The following ROBO2 variants were observed in gnomAD, a reference collection of about 807,000 sequenced individuals.
The protein encoded by ROBO2 is roundabout homolog 2.
A neutral mutation model predicts 160.8 loss-of-function variants in ROBO2; 53 were observed. The ratio of observed to expected loss-of-function variants is 0.33; its 90% CI spans 0.26 to 0.41. The LOEUF is 0.41. Among genes scored for constraint, ROBO2 ranks in the 10% least tolerant of loss-of-function variants. The pLI, the probability that ROBO2 is intolerant of heterozygous loss-of-function variation, is 1.00. For missense variants in ROBO2, 1,577 were observed against 1,722.4 expected (o/e 0.92, Z 1.49); for synonymous variants, 664 against 611.7 (o/e 1.09, Z -1.26).
intron 2 of ROBO2, among the ~76,000 whole-genome samples, chr3:77,429,455 A>G (rs1303275106): frequency 1.3e-5 from 2 of 152,026 alleles, no homozygotes; most frequent in African/African-American, 2.4e-5. Context: ...TTCTTCCTTT[A>G]TGCAATCAAC....
At chr3:76,197,740 G>A (rs535305542) in intron 2 of ROBO2, among the ~76,000 whole-genome samples, 5 of 152,252 alleles carry the variant, frequency 3.3e-5, no homozygotes, top group East Asian at 1.9e-4. Context: ...TTAACTGGCC[G>A]AAGTCATGTA....
chr3:76,307,489 A>G (rs1486679838), intron 2 of ROBO2, among the ~76,000 whole-genome samples: 2 of 151,540 alleles, frequency 1.3e-5, no homozygotes, highest in African/African-American at 4.9e-5. Flanking sequence ...GAGCACGAGT[A>G]GGTGGTGAGG....
intron 2 of ROBO2, among the ~76,000 whole-genome samples, chr3:76,570,944 C>G (rs111254236): frequency 6.6e-6 from 1 of 151,940 alleles, no homozygotes; most frequent in African/African-American, 2.4e-5. Context: ...TCATGTATGA[C>G]AAAACTGTAT....
chr3:77,417,677 A>G (rs2077369898), intron 2 of ROBO2, among the ~76,000 whole-genome samples: 1 of 152,068 alleles, frequency 6.6e-6, no homozygotes, highest in South Asian at 2.1e-4. Flanking sequence ...CAGTAAACTT[A>G]TTTTTTAACA....
At chr3:76,436,798 G>A (rs1282121570) in intron 2 of ROBO2, among the ~76,000 whole-genome samples, 3 of 152,134 alleles carry the variant, frequency 2.0e-5, no homozygotes, top group African/African-American at 7.2e-5. Flanking sequence ...TTTATATAGT[G>A]TTCATTTAAC....
chr3:76,873,172 A>G (rs1351183423), intron 2 of ROBO2, among the ~76,000 whole-genome samples: 1 of 152,208 alleles, frequency 6.6e-6, no homozygotes, highest in African/African-American at 2.4e-5. Context: ...TAAATGTCAC[A>G]TTACAATGGA....
intron 2 of ROBO2, among the ~76,000 whole-genome samples, chr3:76,882,909 G>A (rs1377907367): frequency 6.6e-6 from 1 of 152,098 alleles, no homozygotes; most frequent in Non-Finnish European, 1.5e-5. Flanking sequence ...CATTTCAAAT[G>A]GTTTTGGATT....
At chr3:77,601,665 GA>G (rs1320095712) in intron 19 of ROBO2, among the ~76,000 whole-genome samples, 5 of 151,974 alleles carry the variant, frequency 3.3e-5, no homozygotes, top group African/African-American at 9.6e-5. Flanking sequence ...TGTTATACAA[GA>G]AAAAAAATGC....
chr3:76,994,307 A>C (rs2060862853), intron 2 of ROBO2, among the ~76,000 whole-genome samples: 1 of 152,170 alleles, frequency 6.6e-6, no homozygotes, highest in Non-Finnish European at 1.5e-5. Context: ...GACTTTGTGT[A>C]CTGGCTTGTG....
chr3:77,045,050 G>C (rs2064504574), intron 1 of ROBO2, among the ~76,000 whole-genome samples: 2 of 152,098 alleles, frequency 1.3e-5, no homozygotes. Context: ...CCCAATGTTG[G>C]GGGAGGGAGG....
chr3:76,684,587 T>G (rs2092643991), intron 2 of ROBO2, among the ~76,000 whole-genome samples: 1 of 152,142 alleles, frequency 6.6e-6, no homozygotes, highest in African/African-American at 2.4e-5. Flanking sequence ...TACATTATAG[T>G]AAGAGTTTAC....
chr3:76,597,826 A>G (rs1021422103), intron 2 of ROBO2, among the ~76,000 whole-genome samples: 1 of 152,140 alleles, frequency 6.6e-6, no homozygotes, highest in Non-Finnish European at 1.5e-5. Context: ...TAGTTTGTTA[A>G]GGATTATGGC....
At chr3:76,156,004 G>A (rs1404773268) in intron 2 of ROBO2, among the ~76,000 whole-genome samples, 1 of 151,962 alleles carries the variant, frequency 6.6e-6, no homozygotes, top group African/African-American at 2.4e-5. Context: ...TTTACTAGGA[G>A]GCTAAATGAT....
intron 2 of ROBO2, among the ~76,000 whole-genome samples, chr3:76,287,295 C>A (rs1283880898): frequency 6.8e-6 from 1 of 147,486 alleles, no homozygotes; most frequent in Non-Finnish European, 1.5e-5. Flanking sequence ...TCTTTTTTTT[C>A]TTTTCTTTTT....
At chr3:76,200,561 G>T (rs936951062) in intron 2 of ROBO2, among the ~76,000 whole-genome samples, 1 of 152,004 alleles carries the variant, frequency 6.6e-6, no homozygotes, top group African/African-American at 2.4e-5. Flanking sequence ...AGATTAATAC[G>T]TCCAGTATAG....
chr3:77,024,987 T>TAA (rs200808471), intron 2 of ROBO2, among the ~76,000 whole-genome samples: 1 of 150,524 alleles, frequency 6.6e-6, no homozygotes, highest in Non-Finnish European at 1.5e-5. Context: ...TTTTTTGTTT[T>TAA]AAAAAAAAAG....
chr3:77,637,472 G>A (rs925090681), intron 24 of ROBO2, among the ~76,000 whole-genome samples: 4 of 152,150 alleles, frequency 2.6e-5, no homozygotes, highest in Admixed American at 2.6e-4. Context: ...AAGGTTAAGG[G>A]TAGAATTGAG....
At chr3:77,030,464 A>G (rs918581072) in intron 2 of ROBO2, among the ~76,000 whole-genome samples, 3 of 152,186 alleles carry the variant, frequency 2.0e-5, no homozygotes, top group Non-Finnish European at 4.4e-5. Flanking sequence ...AAAGTTTCCT[A>G]TTTTGAATTC....
At chr3:76,177,401 A>G (rs2073270565) in intron 2 of ROBO2, among the ~76,000 whole-genome samples, 1 of 152,222 alleles carries the variant, frequency 6.6e-6, no homozygotes, top group African/African-American at 2.4e-5. Context: ...CACTTGAAAG[A>G]ATTCAATTCC....
Sources: gnomAD v4.1 joint callset for allele counts (sites outside exome capture counted in the v4.1 genomes callset) on GRCh38, gnomAD v4.1.1 for gene constraint, MANE v1.5 for transcripts, NCBI Gene and HGNC (gene_info 2026-07-23, HGNC 2026-07-21) for gene names.